Variants in PPM1B observed in about 807,000 individuals in gnomAD.
The protein encoded by PPM1B is protein phosphatase 1B.
PPM1B carries 22 observed loss-of-function variants against 43.0 expected under a neutral mutation model. That is an observed-to-expected ratio of 0.51 (90% CI 0.37 to 0.73). The LOEUF (loss-of-function observed/expected upper bound fraction) is 0.73, where lower values mean the gene tolerates loss of function less well. PPM1B is among the 30% of genes least tolerant of loss of function. The pLI is 0.00. For synonymous variants in PPM1B, 217 were observed against 197.9 expected (o/e 1.10, Z -0.81); for missense variants, 632 against 584.2 (o/e 1.08, Z -0.84).
chr2:44,236,402 C>CAAAAAAA (rs61414038), downstream of PPM1B, among the ~76,000 whole-genome samples: 57 of 47,522 alleles, frequency 1.2e-3, 4 homozygotes, highest in African/African-American at 3.0e-3. Flanking sequence ...GACTCCGTCT[C>CAAAAAAA]AAAAAAAAAA....
At chr2:44,195,573 C>T (rs1055082172) in intron 1 of PPM1B, among the ~76,000 whole-genome samples, 13 of 152,076 alleles carry the variant, frequency 8.5e-5, no homozygotes, top group Admixed American at 1.3e-4. Context: ...AATTCCAGCA[C>T]TTTTGATGTG....
downstream of PPM1B, chr2:44,232,756 A>G (rs1670504104): frequency 1.0e-6 from 1 of 990,358 alleles, no homozygotes; most frequent in Non-Finnish European, 1.2e-6. Flanking sequence ...ATTGTATGAT[A>G]TGTTCCTTTT....
chr2:44,172,626 T>C (rs1223059890), intron 1 of PPM1B, among the ~76,000 whole-genome samples: 1 of 152,226 alleles, frequency 6.6e-6, no homozygotes, highest in Non-Finnish European at 1.5e-5. Context: ...TTAGAATCTT[T>C]ACAAGTAAAA....
intron 1 of PPM1B, among the ~76,000 whole-genome samples, chr2:44,189,208 A>G (rs1668286656): frequency 6.6e-6 from 1 of 151,978 alleles, no homozygotes; most frequent in Admixed American, 6.6e-5. Flanking sequence ...CATTATCCTT[A>G]GCTGTTTATA....
intron 1 of PPM1B, among the ~76,000 whole-genome samples, chr2:44,199,920 A>C (rs1196770238): frequency 6.6e-6 from 1 of 152,152 alleles, no homozygotes; most frequent in East Asian, 1.9e-4. Context: ...TTTATTGTAA[A>C]GTTCAATAAT....
downstream of PPM1B, among the ~76,000 whole-genome samples, chr2:44,235,024 G>A (rs535973657): frequency 2.0e-5 from 3 of 152,298 alleles, no homozygotes; most frequent in South Asian, 6.2e-4. Context: ...ACACAGATAG[G>A]TAGTTGGAAA....
intron 5 of PPM1B, among the ~76,000 whole-genome samples, chr2:44,228,059 A>T (rs972584066): frequency 4.0e-5 from 6 of 149,608 alleles, no homozygotes; most frequent in African/African-American, 1.5e-4. Flanking sequence ...AGTAGCTGGG[A>T]TTGCAGGCAC....
chr2:44,209,372 AGCT>A, intron 3 of PPM1B, 45 bp downstream of exon 3: 5 of 1,600,270 alleles, frequency 3.1e-6, no homozygotes, highest in Non-Finnish European at 4.3e-6. Context: ...CAGGCACGGT[AGCT>A]CATGCCTGTA....
At chr2:44,214,141 G>A (rs1390546157) in intron 3 of PPM1B, among the ~76,000 whole-genome samples, 2 of 152,148 alleles carry the variant, frequency 1.3e-5, no homozygotes, top group African/African-American at 4.8e-5. Flanking sequence ...ATGCAGTGGC[G>A]CGATCTCGGC....
intron 1 of PPM1B, among the ~76,000 whole-genome samples, chr2:44,180,923 A>G (rs1667844044): frequency 3.3e-5 from 5 of 151,986 alleles, no homozygotes; most frequent in Admixed American, 3.3e-4. Context: ...GGTGGTAGGA[A>G]GAGTTGGGAT....
chr2:44,225,335 G>A (rs1670162190), intron 5 of PPM1B, among the ~76,000 whole-genome samples: 1 of 152,134 alleles, frequency 6.6e-6, no homozygotes, highest in South Asian at 2.1e-4. Flanking sequence ...GTAAAAATAG[G>A]TGTGCTATAT....
In PPM1B at chr2:44,201,172, A is replaced by AT; in HGVS notation, c.-14-8dup. 6.4e-7 allele frequency: 1 copy of AT among 1,559,544 alleles called. No homozygotes were observed. The highest frequency in any genetic ancestry group is 8.7e-7 in the Non-Finnish European group (1 of 1,151,206). ...TCAAATTTAAACATTTAACACCTGC[A>AT]TTTTTTATTTCAGATTTATTGCTAA... is the stretch of plus-strand genomic sequence containing the variant. On this transcript the variant is annotated splice_polypyrimidine_tract_variant and intron_variant, in intron 1 of 5. Coordinates refer to ENST00000282412, the MANE Select transcript of PPM1B (RefSeq NM_002706.6). The surrounding 1 kb of genome is among the most constrained non-coding windows in gnomAD (Gnocchi z 5.4).
downstream of PPM1B, among the ~76,000 whole-genome samples, chr2:44,236,060 A>G (rs556350118): frequency 4.6e-5 from 7 of 152,080 alleles, no homozygotes; most frequent in African/African-American, 1.7e-4. Flanking sequence ...TCTTAATGCT[A>G]AAAGTAGAAA....
intron 2 of PPM1B, among the ~76,000 whole-genome samples, chr2:44,203,650 A>T (rs535116959): frequency 9.9e-5 from 15 of 152,186 alleles, no homozygotes; most frequent in Admixed American, 9.8e-4. Context: ...AACCGAGATG[A>T]TTATACTTGT....
At position 44,230,578 on chromosome 2, in the gene PPM1B, G is replaced by A; in HGVS notation, c.1300G>A (p.Ala434Thr). The A allele has an allele frequency of 1.2e-6, 2 of 1,614,144 alleles. No homozygotes were observed. ...EGEESPAEPA[A>T]TATSSNSDAG... Reference sequence around the variant, plus strand: ...AGAAGAAAGCCCTGCTGAACCAGCTGCCACAGCTACTTCTTCGAACAGTGA... The same window carrying A: ...AGAAGAAAGCCCTGCTGAACCAGCTACCACAGCTACTTCTTCGAACAGTGA... Residue 434 changes from alanine (A) to threonine (T), a missense_variant, in exon 6 of 6, where the codon GCC becomes ACC. This residue lies in a region of PPM1B where 392 missense variants were observed against 302.7 expected (regional missense o/e 1.29). Transcript: ENST00000282412.
At chr2:44,228,293 A>G (rs565769202) in intron 5 of PPM1B, among the ~76,000 whole-genome samples, 4 of 147,520 alleles carry the variant, frequency 2.7e-5, no homozygotes, top group South Asian at 2.1e-4. Context: ...ACTTAGCTCA[A>G]CCTCTCGCCT....
rs138617274 is a variant in PPM1B at position 44,201,100 on chromosome 2, G to C, written c.-14-86G>C. The stretch of plus-strand genomic sequence containing the variant: ...GATAATACTAAAAAAAATACTTGAG[G>C]TAGGAGTTACTAGACTATAGAGGGA... On this transcript the variant is annotated intron_variant, in intron 1 of 5. Coordinates refer to ENST00000282412, the MANE Select transcript of PPM1B (RefSeq NM_002706.6). The surrounding 1 kb of genome is among the most constrained non-coding windows in gnomAD (Gnocchi z 5.4). The C allele has an allele frequency of 6.6e-4, 879 of 1,334,740 alleles. 4 individuals are homozygous for C. In the African/African-American group the frequency reaches 0.011, roughly 17 times the overall value. 82.7% of individuals were successfully genotyped at this position (1,334,740 alleles called of 1,614,324 possible).
intron 1 of PPM1B, among the ~76,000 whole-genome samples, chr2:44,172,769 T>A (rs1481269969): frequency 6.6e-6 from 1 of 152,068 alleles, no homozygotes; most frequent in Non-Finnish European, 1.5e-5. Context: ...TAGCTGGGCT[T>A]GGTGGTGTGT....
intron 2 of PPM1B, among the ~76,000 whole-genome samples, chr2:44,206,067 T>C (rs1439166718): frequency 6.6e-6 from 1 of 152,202 alleles, no homozygotes; most frequent in African/African-American, 2.4e-5. Context: ...CTGTTTAAGT[T>C]TAGATGCCCT....
Sources: allele counts gnomAD v4.1 joint callset (sites outside exome capture counted in the v4.1 genomes callset), GRCh38; gene constraint gnomAD v4.1.1; regional missense constraint gnomAD v4.1.1; non-coding constraint Gnocchi (gnomAD v3.1); transcripts MANE v1.5; gene names NCBI Gene and HGNC (gene_info 2026-07-23, HGNC 2026-07-21).